The following FAM3B variants were observed in gnomAD, a reference collection of about 807,000 sequenced individuals.
FAM3B encodes protein FAM3B.
Under a neutral mutation model 28.4 loss-of-function variants are expected in FAM3B, and 29 were observed. That is an observed-to-expected ratio of 1.02 (90% CI 0.76 to 1.39). FAM3B has a LOEUF of 1.39. FAM3B is among the 40% of genes most tolerant of loss of function. The pLI, the probability that FAM3B is intolerant of heterozygous loss-of-function variation, is 0.00. For missense variants in FAM3B, 266 were observed against 293.9 expected (o/e 0.91, Z 0.69); for synonymous variants, 91 against 103.0 (o/e 0.88, Z 0.71).
rs764639357 is a variant in FAM3B, at chr21:41,322,873, A to G, written c.20-50A>G. On this transcript the variant is annotated intron_variant, in intron 1 of 7. Transcript: ENST00000357985. Reference sequence around the variant, plus strand: ...GGGGGGATGGGGAGGGCCAAGGGCCAGGGCCGCCACCAAGTCGTTCACAGC... The same window carrying G: ...GGGGGGATGGGGAGGGCCAAGGGCCGGGGCCGCCACCAAGTCGTTCACAGC... 1.9e-6 allele frequency: 3 copies of G among 1,614,166 alleles called. No homozygotes were observed. The South Asian group carries it at 3.3e-5, about 18-fold the overall frequency.
intron 2 of FAM3B, among the ~76,000 whole-genome samples, chr21:41,337,675 TGTG>T (rs756581900): frequency 8.6e-5 from 13 of 151,658 alleles, no homozygotes; most frequent in East Asian, 1.9e-4. Context: ...GTGGGAGTGG[TGTG>T]GTGCGTGTGT....
chr21:41,355,980 CG>C (rs1203896803), intron 7 of FAM3B, among the ~76,000 whole-genome samples: 1 of 151,292 alleles, frequency 6.6e-6, no homozygotes, highest in Non-Finnish European at 1.5e-5. Flanking sequence ...AAACCCACTT[CG>C]GGATGAATAC....
At chr21:41,317,572 C>T (rs1017631331) in intron 1 of FAM3B, among the ~76,000 whole-genome samples, 8 of 152,106 alleles carry the variant, frequency 5.3e-5, no homozygotes, top group African/African-American at 1.9e-4. Context: ...CACACATGCC[C>T]TTTCTAATTG....
At chr21:41,338,236 T>C (rs944032452) in intron 2 of FAM3B, 142 bp from the exon 3 acceptor site, 1 of 871,130 alleles carries the variant, frequency 1.1e-6, no homozygotes, top group African/African-American at 1.7e-5. Context: ...CTCAGTGAAG[T>C]CTGGAAACCC....
intron 7 of FAM3B, among the ~76,000 whole-genome samples, chr21:41,351,555 C>T (rs1318780551): frequency 6.6e-6 from 1 of 152,056 alleles, no homozygotes; most frequent in Non-Finnish European, 1.5e-5. Context: ...AGAGAAGTGC[C>T]ACTGGAGGAA....
At chr21:41,307,108 T>C (rs1183925440) in intron 1 of FAM3B, among the ~76,000 whole-genome samples, 2 of 152,266 alleles carry the variant, frequency 1.3e-5, no homozygotes, top group Non-Finnish European at 2.9e-5. Context: ...TGAAAATTTG[T>C]TAGTGTAGCC....
intron 1 of FAM3B, among the ~76,000 whole-genome samples, chr21:41,309,680 C>G (rs147382109): frequency 2.3e-4 from 35 of 152,332 alleles, no homozygotes; most frequent in African/African-American, 8.4e-4. Context: ...ATTCAGGAGA[C>G]TCACAGGGGA....
At chr21:41,328,330 C>T (rs1311871589) in intron 2 of FAM3B, among the ~76,000 whole-genome samples, 2 of 152,062 alleles carry the variant, frequency 1.3e-5, no homozygotes, top group African/African-American at 4.8e-5. Flanking sequence ...CTATATTCAA[C>T]GTGTTTTCAG....
chr21:41,348,843 T>C (rs975100582), intron 7 of FAM3B, 119 bp downstream of exon 7: 2 of 1,117,254 alleles, frequency 1.8e-6, no homozygotes, highest in African/African-American at 3.1e-5. Context: ...GTCAGCTGTT[T>C]CCATGAGATC....
chr21:41,328,670 T>C (rs1414222591), intron 2 of FAM3B, among the ~76,000 whole-genome samples: 1 of 152,176 alleles, frequency 6.6e-6, no homozygotes, highest in Non-Finnish European at 1.5e-5. Flanking sequence ...GAGAAGAAAC[T>C]GTAGGCTATT....
chr21:41,342,973 G>A (rs1472452441), intron 3 of FAM3B, among the ~76,000 whole-genome samples: 1 of 152,198 alleles, frequency 6.6e-6, no homozygotes, highest in Non-Finnish European at 1.5e-5. Context: ...CAGGGACCTG[G>A]AACCTTTAGC....
chr21:41,323,175 C>A, intron 2 of FAM3B, 109 bp downstream of exon 2: 1 of 1,447,208 alleles, frequency 6.9e-7, no homozygotes, highest in Non-Finnish European at 9.4e-7. Flanking sequence ...GGCTTTATAT[C>A]AGGAAGGAGG....
At chr21:41,330,151 A>AT (rs1555870392) in intron 2 of FAM3B, among the ~76,000 whole-genome samples, 1 of 150,434 alleles carries the variant, frequency 6.6e-6, no homozygotes, top group African/African-American at 2.5e-5. Flanking sequence ...AAAAAAAAAA[A>AT]CATAATACAG....
intron 1 of FAM3B, among the ~76,000 whole-genome samples, chr21:41,305,340 A>T (rs1438066747): frequency 6.6e-6 from 1 of 152,194 alleles, no homozygotes; most frequent in African/African-American, 2.4e-5. Flanking sequence ...TGCCAGCCCA[A>T]ACTACCAACA....
At chr21:41,312,722 A>AGTGTGTGTGTGTGT (rs10580404), upstream of FAM3B, among the ~76,000 whole-genome samples, 9,255 of 148,230 alleles carry the variant, frequency 0.062, 397 homozygotes, top group East Asian at 0.21. Context: ...TGTGTGTGAG[A>AGTGTGTGTGTGTGT]GTGTGTGTGT....
At chr21:41,310,284 C>A (rs965942785) in intron 1 of FAM3B, among the ~76,000 whole-genome samples, 9 of 152,044 alleles carry the variant, frequency 5.9e-5, no homozygotes, top group African/African-American at 2.2e-4. Flanking sequence ...CACCACGTGA[C>A]CATACACACT....
chr21:41,328,923 C>G (rs1461838183), intron 2 of FAM3B, among the ~76,000 whole-genome samples: 1 of 152,238 alleles, frequency 6.6e-6, no homozygotes, highest in Non-Finnish European at 1.5e-5. Flanking sequence ...GCAGCTTGCT[C>G]TGATGTCGCA....
At chr21:41,304,426 G>T (rs372750498) in intron 1 of FAM3B, 248 of 377,496 alleles carry the variant, frequency 6.6e-4, no homozygotes, top group African/African-American at 5.1e-3. Flanking sequence ...GCCCCAGGTT[G>T]CCTGCACCGG....
At chr21:41,336,315 A>G (rs1047862261) in intron 2 of FAM3B, among the ~76,000 whole-genome samples, 1 of 152,220 alleles carries the variant, frequency 6.6e-6, no homozygotes, top group Admixed American at 6.5e-5. Context: ...TGAGGTCAAG[A>G]GTTCAAGACC....
Sources: allele counts gnomAD v4.1 joint callset (sites outside exome capture counted in the v4.1 genomes callset), GRCh38; gene constraint gnomAD v4.1.1; transcripts MANE v1.5; gene names NCBI Gene and HGNC (gene_info 2026-07-23, HGNC 2026-07-21).